The following JAM3 variants were observed in gnomAD, a reference collection of about 807,000 sequenced individuals.
The protein encoded by JAM3 is junctional adhesion molecule C.
In JAM3, 31 loss-of-function variants were observed where a neutral mutation model predicts 39.4. That is an observed-to-expected ratio of 0.79 (90% CI 0.59 to 1.06). JAM3 has a LOEUF of 1.06. Ranked by LOEUF, JAM3 falls within the 50% of genes least tolerant of loss-of-function variation. The pLI, the probability that JAM3 is intolerant of heterozygous loss-of-function variation, is 0.00. For synonymous variants in JAM3, 182 were observed against 148.7 expected (o/e 1.22, Z -1.63); for missense variants, 455 against 391.4 (o/e 1.16, Z -1.37).
chr11:134,147,420 C>T (rs1313673311), intron 6 of JAM3, among the ~76,000 whole-genome samples: 2 of 137,254 alleles, frequency 1.5e-5, no homozygotes, highest in Non-Finnish European at 3.1e-5. Flanking sequence ...CACCACAGAA[C>T]TCCAGCCTGG....
chr11:134,102,979 A>G (rs1181669665), intron 1 of JAM3, among the ~76,000 whole-genome samples: 1 of 152,226 alleles, frequency 6.6e-6, no homozygotes, highest in African/African-American at 2.4e-5. Context: ...CTAGCAAGGC[A>G]GGCCAACATT....
intron 6 of JAM3, chr11:134,148,197 C>T (rs1321874253): frequency 3.5e-6 from 1 of 288,172 alleles, no homozygotes; most frequent in Non-Finnish European, 6.5e-6. Flanking sequence ...TCTTGGGATC[C>T]TGGCTCCTAA....
chr11:134,127,792 A>C (rs1285357062), intron 1 of JAM3, among the ~76,000 whole-genome samples: 1 of 152,272 alleles, frequency 6.6e-6, no homozygotes, highest in Non-Finnish European at 1.5e-5. Context: ...TGGAGTGACA[A>C]CCGCTGCTCC....
At chr11:134,071,063 GACT>G (rs1941477390) in intron 1 of JAM3, among the ~76,000 whole-genome samples, 1 of 152,130 alleles carries the variant, frequency 6.6e-6, no homozygotes, top group Non-Finnish European at 1.5e-5. Context: ...CAGAAGTCAT[GACT>G]ACTGTGTCCT....
intron 1 of JAM3, among the ~76,000 whole-genome samples, chr11:134,137,221 G>A (rs1676632870): frequency 6.6e-6 from 1 of 152,028 alleles, no homozygotes; most frequent in South Asian, 2.1e-4. Flanking sequence ...GAAGTTGTAA[G>A]AAACAAATTG....
rs1253393107 is a variant in JAM3, at chr11:134,115,322, G to A, written c.77-24529G>A. Among the ~76,000 whole-genome samples the A allele has an allele frequency of 3.3e-5, 5 of 152,092 alleles. No individual in the cohort carries two copies. In the South Asian group the frequency reaches 8.3e-4, roughly 25 times the overall value. ...GAGAAAATCTAATCTAACAATATAT[G>A]CCATTTAATTGGGATGTTTAGACTA... On this transcript the variant is annotated intron_variant, in intron 1 of 8. Transcript: ENST00000299106.
At chr11:134,097,767 C>G (rs1942008369) in intron 1 of JAM3, among the ~76,000 whole-genome samples, 2 of 152,084 alleles carry the variant, frequency 1.3e-5, no homozygotes, top group East Asian at 1.9e-4. Context: ...CAAGTTGCCA[C>G]TTTATAAATT....
At chr11:134,140,565 C>T (rs537628571) in intron 2 of JAM3, 92 bp from the exon 3 acceptor site, 3 of 988,080 alleles carry the variant, frequency 3.0e-6, no homozygotes, top group Non-Finnish European at 4.9e-6. Flanking sequence ...GCATGAAAGG[C>T]CTCTTGAATT....
At chr11:134,101,339 G>T (rs1942069185) in intron 1 of JAM3, among the ~76,000 whole-genome samples, 2 of 152,180 alleles carry the variant, frequency 1.3e-5, no homozygotes, top group South Asian at 4.1e-4. Context: ...TCTTTTCAAG[G>T]AGGACAGCTA....
In JAM3 at chr11:134,151,879, G is replaced by T. The variant is rs908863439; in HGVS notation, c.*2698G>T. The T allele has an allele frequency of 6.6e-6, 1 of 152,138 alleles. No individual in the cohort carries two copies. The highest frequency in any genetic ancestry group is 2.4e-5 in the African/African-American group (1 of 41,406). The allele number at this position is 152,138 out of a possible 1,614,324, so 9.4% of individuals were successfully genotyped here. ...CCATCCACCAGGGAAGTCAGTGCTG[G>T]GCAGGAGGTCAGCCTGTGTGCTCAA... On this transcript the variant is annotated 3_prime_UTR_variant, in exon 9 of 9. Transcript: ENST00000299106.
intron 1 of JAM3, among the ~76,000 whole-genome samples, chr11:134,091,736 T>G (rs891607872): frequency 6.6e-6 from 1 of 151,830 alleles, no homozygotes; most frequent in African/African-American, 2.4e-5. Flanking sequence ...TAAGTCTGGA[T>G]CAAGGATGTA....
chr11:134,122,345 A>G (rs1942550090), intron 1 of JAM3, among the ~76,000 whole-genome samples: 1 of 152,314 alleles, frequency 6.6e-6, no homozygotes, highest in Non-Finnish European at 1.5e-5. Flanking sequence ...ACTACTGAGA[A>G]TGTAATATTT....
At chr11:134,087,984 A>G (rs1941772211) in intron 1 of JAM3, among the ~76,000 whole-genome samples, 1 of 152,176 alleles carries the variant, frequency 6.6e-6, no homozygotes, top group African/African-American at 2.4e-5. Flanking sequence ...GCAGCCAAAG[A>G]TGACTGCAGG....
intron 1 of JAM3, among the ~76,000 whole-genome samples, chr11:134,080,770 C>A (rs184330404): frequency 2.6e-5 from 4 of 152,058 alleles, no homozygotes; most frequent in African/African-American, 9.7e-5. Flanking sequence ...CTGAAAATAC[C>A]TGAAAATGTG....
intron 3 of JAM3, 26 bp downstream of exon 3, chr11:134,140,796 G>A: frequency 6.3e-7 from 1 of 1,595,512 alleles, no homozygotes; most frequent in Non-Finnish European, 8.5e-7. Context: ...CCTCTTGCCT[G>A]CTGACCTTTC....
intron 1 of JAM3, among the ~76,000 whole-genome samples, chr11:134,100,247 G>T (rs1942050113): frequency 6.6e-6 from 1 of 152,020 alleles, no homozygotes; most frequent in African/African-American, 2.4e-5. Flanking sequence ...ACAAGTTTCT[G>T]TGGCTCATCT....
intron 1 of JAM3, among the ~76,000 whole-genome samples, chr11:134,104,474 A>C (rs1944397645): frequency 6.6e-6 from 1 of 152,218 alleles, no homozygotes; most frequent in Non-Finnish European, 1.5e-5. Flanking sequence ...AAACAAATTC[A>C]AAAGCTAGCA....
At chr11:134,097,992 C>G (rs1218784570) in intron 1 of JAM3, among the ~76,000 whole-genome samples, 1 of 152,090 alleles carries the variant, frequency 6.6e-6, no homozygotes, top group African/African-American at 2.4e-5. Context: ...TAATCATTTT[C>G]AGTCAGTGAA....
Position 134,127,497 on chromosome 11 carries a change from G to A in JAM3, c.77-12354G>A, listed in dbSNP as rs575754894. 5.3e-5 allele frequency among the ~76,000 whole-genome samples: 8 copies of A among 152,290 alleles called. No homozygotes were observed. In the South Asian group the frequency reaches 1.7e-3, roughly 32 times the overall value. ...GTGGATCATATGAGGTAAGGAGTTT[G>A]AGACCAGCCTGGCCAACATGGTGAA... On this transcript the variant is annotated intron_variant, in intron 1 of 8. Coordinates refer to ENST00000299106, the MANE Select transcript of JAM3 (RefSeq NM_032801.5).
Sources: allele counts gnomAD v4.1 joint callset (sites outside exome capture counted in the v4.1 genomes callset), GRCh38; gene constraint gnomAD v4.1.1; transcripts MANE v1.5; gene names NCBI Gene and HGNC (gene_info 2026-07-23, HGNC 2026-07-21).